Variants in ST6GALNAC3 observed in about 807,000 individuals in gnomAD.
The protein encoded by ST6GALNAC3 is ST6 N-acetylgalactosaminide alpha-2,6-sialyltransferase 3, also known as alpha-N-acetylgalactosaminide alpha-2,6-sialyltransferase 3.
ST6GALNAC3 carries 25 observed loss-of-function variants against 32.7 expected under a neutral mutation model. The observed-to-expected ratio is 0.76, with a 90% CI of 0.56 to 1.07. The LOEUF (loss-of-function observed/expected upper bound fraction) is 1.07. Among genes scored for constraint, ST6GALNAC3 ranks in the 50% least tolerant of loss-of-function variants. ST6GALNAC3 has a pLI of 0.00. For synonymous variants in ST6GALNAC3, 129 were observed against 133.1 expected, an observed-to-expected ratio of 0.97 and a Z score of 0.21; for missense variants, 355 against 382.4, an observed-to-expected ratio of 0.93 and a Z score of 0.60.
At chr1:76,318,238 G>A (rs749501193) in intron 2 of ST6GALNAC3, among the ~76,000 whole-genome samples, 3 of 152,072 alleles carry the variant, frequency 2.0e-5, no homozygotes, top group Non-Finnish European at 4.4e-5. Context: ...GGGTTAAATA[G>A]AAAGATCAAA....
chr1:76,337,796 A>C (rs1445923284), intron 2 of ST6GALNAC3, among the ~76,000 whole-genome samples: 2 of 152,126 alleles, frequency 1.3e-5, no homozygotes, highest in Admixed American at 6.5e-5. Flanking sequence ...CTTCCTAGGT[A>C]CTTTTGTAGC....
chr1:76,300,876 C>T (rs1660690656), intron 1 of ST6GALNAC3, among the ~76,000 whole-genome samples: 1 of 151,574 alleles, frequency 6.6e-6, no homozygotes, highest in Non-Finnish European at 1.5e-5. Context: ...ACAGAGGAGA[C>T]AACATTTGAA....
chr1:76,241,548 C>A (rs75986521), intron 1 of ST6GALNAC3, among the ~76,000 whole-genome samples: 2,268 of 152,244 alleles, frequency 0.015, 62 homozygotes, highest in African/African-American at 0.053. Flanking sequence ...ATGACCCAAA[C>A]ACCTCCCATT....
At chr1:76,455,401 G>A (rs1571283461) in intron 3 of ST6GALNAC3, among the ~76,000 whole-genome samples, 1 of 152,296 alleles carries the variant, frequency 6.6e-6, no homozygotes, top group Non-Finnish European at 1.5e-5. Context: ...AAGGTTTTAT[G>A]TTCACTGTAG....
At chr1:76,213,714 G>A (rs1655298882) in intron 1 of ST6GALNAC3, among the ~76,000 whole-genome samples, 1 of 152,122 alleles carries the variant, frequency 6.6e-6, no homozygotes, top group Admixed American at 6.5e-5. Flanking sequence ...GTGAATAGTG[G>A]CAGGTGTCTA....
At chr1:76,525,829 G>GTATATATATATATATATAT (rs1662879287) in intron 3 of ST6GALNAC3, among the ~76,000 whole-genome samples, 1 of 52,028 alleles carries the variant, frequency 1.9e-5, no homozygotes, top group African/African-American at 4.5e-5. Context: ...ATATATATAT[G>GTATATATATATATATATAT]ACCGTTTTGC....
At chr1:76,246,822 C>A (rs1369419920) in intron 1 of ST6GALNAC3, among the ~76,000 whole-genome samples, 3 of 152,180 alleles carry the variant, frequency 2.0e-5, no homozygotes, top group Admixed American at 6.5e-5. Flanking sequence ...CCATCTCATT[C>A]TTTGTCCAGT....
intron 3 of ST6GALNAC3, among the ~76,000 whole-genome samples, chr1:76,552,099 A>C (rs185215567): frequency 1.3e-5 from 2 of 152,154 alleles, no homozygotes; most frequent in African/African-American, 4.8e-5. Context: ...GGCTCTAAAA[A>C]TGGCACCTTG....
At chr1:76,443,391 T>G (rs1183928138) in intron 3 of ST6GALNAC3, among the ~76,000 whole-genome samples, 3 of 152,204 alleles carry the variant, frequency 2.0e-5, no homozygotes, top group Non-Finnish European at 4.4e-5. Flanking sequence ...TCTAATGAAT[T>G]CAAACAGTTC....
At chr1:76,287,508 A>G (rs544604788) in intron 1 of ST6GALNAC3, among the ~76,000 whole-genome samples, 2 of 151,840 alleles carry the variant, frequency 1.3e-5, no homozygotes, top group African/African-American at 4.8e-5. Flanking sequence ...CGCCAAGATA[A>G]CAGCAATTAC....
intron 2 of ST6GALNAC3, among the ~76,000 whole-genome samples, chr1:76,365,390 G>A (rs1334393743): frequency 6.6e-6 from 1 of 152,182 alleles, no homozygotes; most frequent in African/African-American, 2.4e-5. Context: ...CACTATTTGA[G>A]TGATGGGTAC....
At chr1:76,240,719 A>G (rs1321384855) in intron 1 of ST6GALNAC3, among the ~76,000 whole-genome samples, 2 of 152,182 alleles carry the variant, frequency 1.3e-5, no homozygotes, top group East Asian at 3.8e-4. Flanking sequence ...ATACAGATAC[A>G]TTTGTGAGCA....
At chr1:76,606,703 A>G (rs1275147115) in intron 3 of ST6GALNAC3, among the ~76,000 whole-genome samples, 1 of 151,846 alleles carries the variant, frequency 6.6e-6, no homozygotes, top group Non-Finnish European at 1.5e-5. Context: ...TGTCCTGCAC[A>G]TGTACCCCAG....
At chr1:76,280,598 G>T (rs1448388280) in intron 1 of ST6GALNAC3, among the ~76,000 whole-genome samples, 13 of 152,142 alleles carry the variant, frequency 8.5e-5, no homozygotes. Context: ...GTAGAGACAA[G>T]GGCTGGTGCT....
chr1:76,077,907 C>T (rs913888608), intron 1 of ST6GALNAC3, among the ~76,000 whole-genome samples: 4 of 152,140 alleles, frequency 2.6e-5, no homozygotes, highest in Non-Finnish European at 5.9e-5. Flanking sequence ...AAACCATTGA[C>T]CCCATTCTCA....
At chr1:76,495,754 G>A (rs1473541275) in intron 3 of ST6GALNAC3, among the ~76,000 whole-genome samples, 9 of 152,268 alleles carry the variant, frequency 5.9e-5, no homozygotes, top group Admixed American at 2.0e-4. Flanking sequence ...TTTAAAAGCT[G>A]CTTGATCTTG....
chr1:76,081,677 A>G (rs1646898443), intron 1 of ST6GALNAC3, among the ~76,000 whole-genome samples: 1 of 152,194 alleles, frequency 6.6e-6, no homozygotes, highest in South Asian at 2.1e-4. Flanking sequence ...GACCCTGGGC[A>G]AGTTATGTGA....
At chr1:76,085,567 A>T (rs773195047) in intron 1 of ST6GALNAC3, among the ~76,000 whole-genome samples, 9 of 152,208 alleles carry the variant, frequency 5.9e-5, no homozygotes, top group Non-Finnish European at 8.8e-5. Flanking sequence ...CCTAACAGTT[A>T]TGTTGACCTC....
At chr1:76,214,588 C>A (rs1048816905) in intron 1 of ST6GALNAC3, among the ~76,000 whole-genome samples, 10 of 152,144 alleles carry the variant, frequency 6.6e-5, no homozygotes, top group Admixed American at 5.2e-4. Flanking sequence ...ACATTTACTT[C>A]AGTGACTGGA....
Sources: gnomAD v4.1 joint callset for allele counts (sites outside exome capture counted in the v4.1 genomes callset) on GRCh38, gnomAD v4.1.1 for gene constraint, MANE v1.5 for transcripts, NCBI Gene and HGNC (gene_info 2026-07-23, HGNC 2026-07-21) for gene names.